PACSIN2: variants seen among roughly 807,000 people sequenced by gnomAD.
The protein encoded by PACSIN2 is protein kinase C and casein kinase substrate in neurons 2.
In PACSIN2, 25 loss-of-function variants were observed where a neutral mutation model predicts 63.8. The observed-to-expected ratio is 0.39, with a 90% confidence interval of 0.29 to 0.55. The LOEUF is 0.55. Ranked by LOEUF, PACSIN2 falls within the 20% of genes least tolerant of loss-of-function variation. The pLI, the probability that PACSIN2 is intolerant of heterozygous loss-of-function variation, is 0.62. For synonymous variants in PACSIN2, 255 were observed against 256.2 expected (o/e 1.00, Z 0.05); for missense variants, 518 against 646.9 (o/e 0.80, Z 2.16).
At chr22:42,991,294 G>A (rs762384894) in intron 1 of PACSIN2, among the ~76,000 whole-genome samples, 1 of 152,072 alleles carries the variant, frequency 6.6e-6, no homozygotes, top group Non-Finnish European at 1.5e-5. Context: ...GACAAGCAGT[G>A]GCTCAGAGCA....
chr22:43,008,437 G>T (rs1275550455), intron 1 of PACSIN2, among the ~76,000 whole-genome samples: 1 of 152,178 alleles, frequency 6.6e-6, no homozygotes, highest in Non-Finnish European at 1.5e-5. Context: ...TTTTAGTAGA[G>T]ATGGGGTTTC....
intron 1 of PACSIN2, among the ~76,000 whole-genome samples, chr22:42,967,231 CT>C (rs1920971203): frequency 1.3e-5 from 2 of 152,238 alleles, no homozygotes; most frequent in Admixed American, 1.3e-4. Context: ...CCGTGTCCTG[CT>C]GCACCTCTGG....
chr22:42,884,217 G>C (rs1929297266), intron 6 of PACSIN2, among the ~76,000 whole-genome samples, 169 bp downstream of exon 6: 1 of 152,164 alleles, frequency 6.6e-6, no homozygotes, highest in Admixed American at 6.5e-5. Flanking sequence ...CTCAGCAGAG[G>C]GGCCCTCCCT....
chr22:43,014,365 C>CACACACACACACACACACACACACACACA (rs1227376539), intron 1 of PACSIN2, among the ~76,000 whole-genome samples: 1 of 9,364 alleles, frequency 1.1e-4, no homozygotes, highest in African/African-American at 4.3e-4. Flanking sequence ...CACACACACA[C>CACACACACACACACACACACACACACACA]CACCCCCCCC....
chr22:42,930,121 T>G (rs1385093952), intron 1 of PACSIN2, among the ~76,000 whole-genome samples: 2 of 152,198 alleles, frequency 1.3e-5, no homozygotes, highest in Non-Finnish European at 1.5e-5. Flanking sequence ...TGAGGTGACT[T>G]GGGAACAGAG....
chr22:42,997,156 C>T (rs1473428055), intron 1 of PACSIN2, among the ~76,000 whole-genome samples: 2 of 152,214 alleles, frequency 1.3e-5, no homozygotes, highest in African/African-American at 4.8e-5. Flanking sequence ...CACGCTCTGC[C>T]TCCTCTGACC....
rs1569197914 is a variant in PACSIN2 at position 42,871,935 on chromosome 22, C to CAA, written c.1349-467_1349-466insTT. On this transcript the variant is annotated intron_variant, in intron 10 of 10. Coordinates refer to ENST00000263246, the MANE Select transcript of PACSIN2 (RefSeq NM_001184970.3). This position sits in a 1 kb window ranked among gnomAD's most constrained non-coding sequence, Gnocchi z 5.4. ...CCTCTCCTCTGCAACTTCCAGGCTG[C>CAA]GAGGGGAAGGGACCATGTCTGACAG... Among the ~76,000 whole-genome samples, 1 of 151,740 alleles carries CAA rather than the reference C, an allele frequency of 6.6e-6. No individual in the cohort carries two copies. The highest frequency in any genetic ancestry group is 1.9e-4 in the East Asian group (1 of 5,150).
intron 1 of PACSIN2, among the ~76,000 whole-genome samples, chr22:42,942,347 C>A (rs6002987): frequency 0.2 from 29,842 of 151,924 alleles, 4,647 homozygotes; most frequent in East Asian, 0.69. Flanking sequence ...CTCTGAAGCA[C>A]AAAAGTTCTT....
intron 1 of PACSIN2, among the ~76,000 whole-genome samples, chr22:42,985,289 CGCACTCCA>C (rs915770355): frequency 6.6e-6 from 1 of 152,208 alleles, no homozygotes; most frequent in Non-Finnish European, 1.5e-5. Context: ...ATCTCATCAC[CGCACTCCA>C]GCACTCCAGC....
intron 1 of PACSIN2, among the ~76,000 whole-genome samples, chr22:42,959,238 T>C (rs932998319): frequency 3.3e-5 from 5 of 152,148 alleles, no homozygotes; most frequent in Admixed American, 2.6e-4. Flanking sequence ...TAATTTGCTT[T>C]CTCTCTCAAG....
chr22:42,937,945 G>A (rs1056565281), intron 1 of PACSIN2, among the ~76,000 whole-genome samples: 2 of 152,192 alleles, frequency 1.3e-5, no homozygotes, highest in Non-Finnish European at 2.9e-5. Context: ...GAATGACAGC[G>A]GTAGAAGTCT....
chr22:43,012,503 CAG>C (rs1486067651), intron 1 of PACSIN2, among the ~76,000 whole-genome samples: 3 of 151,990 alleles, frequency 2.0e-5, no homozygotes, highest in Non-Finnish European at 2.9e-5. Flanking sequence ...TATTTTTAAA[CAG>C]AGTCTCACTC....
chr22:42,948,972 A>G (rs529449909), intron 1 of PACSIN2, among the ~76,000 whole-genome samples: 1 of 152,348 alleles, frequency 6.6e-6, no homozygotes, highest in African/African-American at 2.4e-5. Context: ...AATCAAGCAT[A>G]AAATTAATAG....
chr22:42,875,415 G>GT (rs1928536512), intron 10 of PACSIN2, among the ~76,000 whole-genome samples: 1 of 152,070 alleles, frequency 6.6e-6, no homozygotes, highest in South Asian at 2.1e-4. Context: ...TGTTGTCCAG[G>GT]TTGGAGTATA....
At position 43,010,674 on chromosome 22, in the gene PACSIN2, G is replaced by A. The variant is rs9623737; in HGVS notation, c.-78+4347C>T. Among the ~76,000 whole-genome samples, 246 of 151,502 alleles carry A rather than the reference G, an allele frequency of 1.6e-3. 2 individuals carry two copies. The highest frequency in any genetic ancestry group is 5.8e-3 in the African/African-American group (238 of 41,306). On this transcript the variant is annotated intron_variant, in intron 1 of 10. Transcript: ENST00000263246. ...GCAGTGAGCCAAGATCACACCACAG[G>A]GCACTTCCAGCCTGGGCAACAAAGC...
intron 5 of PACSIN2, among the ~76,000 whole-genome samples, chr22:42,887,769 C>G (rs1373439412): frequency 6.6e-6 from 1 of 152,204 alleles, no homozygotes; most frequent in African/African-American, 2.4e-5. Flanking sequence ...AATCACTTAT[C>G]TACACCTGCG....
At chr22:42,982,515 T>C (rs892518177) in intron 1 of PACSIN2, among the ~76,000 whole-genome samples, 1 of 85,516 alleles carries the variant, frequency 1.2e-5, no homozygotes, top group Non-Finnish European at 2.2e-5. Context: ...AGACTTTTCA[T>C]TTTGTTCTGT....
intron 1 of PACSIN2, among the ~76,000 whole-genome samples, chr22:42,953,964 G>C (rs1378165458): frequency 1.3e-5 from 2 of 152,122 alleles, no homozygotes; most frequent in Non-Finnish European, 2.9e-5. Context: ...CAAGTACAAA[G>C]GTTAAAAGGC....
intron 6 of PACSIN2, among the ~76,000 whole-genome samples, chr22:42,883,228 C>T (rs914064245): frequency 4.6e-5 from 7 of 152,142 alleles, no homozygotes; most frequent in African/African-American, 1.4e-4. Context: ...AGAGCAGCCT[C>T]GGGCAAGTCA....
Sources: allele counts gnomAD v4.1 joint callset (sites outside exome capture counted in the v4.1 genomes callset), GRCh38; gene constraint gnomAD v4.1.1; non-coding constraint Gnocchi (gnomAD v3.1); transcripts MANE v1.5; gene names NCBI Gene and HGNC (gene_info 2026-07-23, HGNC 2026-07-21).